The following SCN2A variants were observed in gnomAD, a reference collection of about 807,000 sequenced individuals.
SCN2A encodes the protein sodium voltage-gated channel alpha subunit 2, also known as sodium channel protein type 2 subunit alpha.
In SCN2A, 20 loss-of-function variants were observed where a neutral mutation model predicts 188.7. That is an observed-to-expected ratio of 0.11 (90% CI 0.07 to 0.15). The LOEUF (loss-of-function observed/expected upper bound fraction) is 0.15, where lower values mean the gene tolerates loss of function less well. Ranked by LOEUF, SCN2A falls within the 10% of genes least tolerant of loss-of-function variation. The probability of loss-of-function intolerance (pLI) is 1.00; values close to 1 mark genes in which losing one functional copy is unlikely to be tolerated. For missense variants in SCN2A, 1,278 were observed against 2,445.0 expected (o/e 0.52, Z 10.07); for synonymous variants, 804 against 833.1 (o/e 0.97, Z 0.60).
At chr2:165,355,823 C>A (rs1410731842) in intron 17 of SCN2A, among the ~76,000 whole-genome samples, 1 of 151,746 alleles carries the variant, frequency 6.6e-6, no homozygotes, top group Non-Finnish European at 1.5e-5. Context: ...ATGGTGAAAC[C>A]CTGTCTCTAC....
At chr2:165,301,199 A>G (rs1455507952) in intron 3 of SCN2A, among the ~76,000 whole-genome samples, 1 of 152,084 alleles carries the variant, frequency 6.6e-6, no homozygotes, top group African/African-American at 2.4e-5. Flanking sequence ...TTGGTTTTGA[A>G]CATGTTATGT....
chr2:165,318,754 G>A (rs911147471), intron 11 of SCN2A, among the ~76,000 whole-genome samples: 1 of 152,138 alleles, frequency 6.6e-6, no homozygotes, highest in Non-Finnish European at 1.5e-5. Flanking sequence ...TCATTGCAAA[G>A]CATGTATTGT....
At chr2:165,248,521 C>T (rs1428396971) in intron 1 of SCN2A, among the ~76,000 whole-genome samples, 1 of 152,088 alleles carries the variant, frequency 6.6e-6, no homozygotes, top group Non-Finnish European at 1.5e-5. Flanking sequence ...TCTTAACTAT[C>T]CCATTTAAAA....
chr2:165,249,821 C>T (rs917590492), intron 1 of SCN2A, among the ~76,000 whole-genome samples: 1 of 151,914 alleles, frequency 6.6e-6, no homozygotes, highest in African/African-American at 2.4e-5. Flanking sequence ...TATAAATATG[C>T]TAACTAGCTA....
intron 1 of SCN2A, among the ~76,000 whole-genome samples, chr2:165,251,552 G>A (rs1488647859): frequency 1.3e-5 from 2 of 150,904 alleles, no homozygotes; most frequent in Non-Finnish European, 2.9e-5. Flanking sequence ...TGAGGTAAGG[G>A]CATTTATTCC....
chr2:165,245,221 C>T (rs965756017), intron 1 of SCN2A: 3 of 152,128 alleles, frequency 2.0e-5, no homozygotes, highest in African/African-American at 7.2e-5. Flanking sequence ...ATAATCTCCA[C>T]GTGTTGTGGG....
intron 13 of SCN2A, chr2:165,328,427 G>C (rs1309853366): frequency 1.0e-6 from 1 of 954,672 alleles, no homozygotes; most frequent in East Asian, 1.2e-4. Flanking sequence ...AGATTGTCTG[G>C]CCTTCCGCTC....
At chr2:165,243,446 T>TAC (rs1261578092) in intron 1 of SCN2A, among the ~76,000 whole-genome samples, 1 of 151,680 alleles carries the variant, frequency 6.6e-6, no homozygotes, top group African/African-American at 2.4e-5. Context: ...CTACTAAAAA[T>TAC]AAAAAATTAG....
chr2:165,311,161 G>C (rs1414528075), intron 7 of SCN2A, among the ~76,000 whole-genome samples: 1 of 102,148 alleles, frequency 9.8e-6, no homozygotes, highest in Non-Finnish European at 2.3e-5. Context: ...GTAGTTACCA[G>C]TTTAGTTTGA....
At chr2:165,321,060 A>G (rs1426575724) in intron 11 of SCN2A, among the ~76,000 whole-genome samples, 1 of 152,178 alleles carries the variant, frequency 6.6e-6, no homozygotes, top group African/African-American at 2.4e-5. Context: ...AGCAGTACCT[A>G]AGTCACCACT....
In SCN2A at chr2:165,313,925, G is replaced by C. The variant is rs532681917; in HGVS notation, c.1200G>C (p.Thr400=). Residue 400 remains threonine (T), a synonymous_variant, in exon 10 of 27, where the codon ACG becomes ACC. Coordinates refer to ENST00000375437, the MANE Select transcript of SCN2A (RefSeq NM_001040142.2). ...YQLTLRAAGK[T]YMIFFVLVIF... ...AGACACTACGTGCTGCTGGGAAAAC[G>C]TACATGATATTTTTTGTGCTGGTCA... The C allele has an allele frequency of 6.2e-7, 1 of 1,613,744 alleles. No individual in the cohort carries two copies. Among genetic ancestry groups the C allele is most frequent in the Non-Finnish European group, 8.5e-7 (1 of 1,179,766 alleles).
intron 19 of SCN2A, 69 bp downstream of exon 19, chr2:165,367,440 A>C: frequency 1.1e-5 from 16 of 1,497,484 alleles, no homozygotes; most frequent in Non-Finnish European, 1.5e-5. Flanking sequence ...CAATCAACTC[A>C]TATTACCCAC....
At chr2:165,320,673 C>T (rs1698028111) in intron 11 of SCN2A, among the ~76,000 whole-genome samples, 1 of 152,236 alleles carries the variant, frequency 6.6e-6, no homozygotes, top group South Asian at 2.1e-4. Context: ...AGGCTTGAGG[C>T]TTGCACCCTC....
At chr2:165,322,962 T>A (rs1296838578) in intron 11 of SCN2A, among the ~76,000 whole-genome samples, 194 bp from the exon 12 acceptor site, 2 of 151,948 alleles carry the variant, frequency 1.3e-5, no homozygotes, top group African/African-American at 4.8e-5. Context: ...GAGAGTGAAA[T>A]AGAAAAGGTG....
intron 1 of SCN2A, among the ~76,000 whole-genome samples, chr2:165,260,847 G>C (rs1337959789): frequency 6.6e-6 from 1 of 151,660 alleles, no homozygotes; most frequent in East Asian, 2.0e-4. Context: ...GCAGGCACTT[G>C]TAATCCCAGC....
At chr2:165,385,549 T>G (rs1258454603) in intron 25 of SCN2A, among the ~76,000 whole-genome samples, 2 of 152,208 alleles carry the variant, frequency 1.3e-5, no homozygotes, top group African/African-American at 2.4e-5. Flanking sequence ...TCATAATGAA[T>G]ACTCTAATGA....
chr2:165,246,761 C>A (rs976322196), intron 1 of SCN2A, among the ~76,000 whole-genome samples: 7 of 152,024 alleles, frequency 4.6e-5, no homozygotes, highest in Admixed American at 4.6e-4. Flanking sequence ...TGCAGCTGGA[C>A]GCATGCAAAA....
rs1696365692 is a variant in SCN2A at position 165,294,066 on chromosome 2, A to G, written c.-51-1707A>G. 3.5e-6 allele frequency: 3 copies of G among 853,298 alleles called. No individual in the cohort carries two copies. In the African/African-American group the frequency reaches 5.6e-5, roughly 16 times the overall value. The allele number at this position is 853,298 out of a possible 1,614,324, so 52.9% of individuals were successfully genotyped here. A position where few individuals can be genotyped will look rare whatever the true frequency, so the allele number is the denominator to read the frequency against. ...TTTTTTTTTTTTTAAAGCATGATGG[A>G]ATTTTAGCTGCAGTCTTCTTGGTGC... On this transcript the variant is annotated intron_variant, in intron 1 of 26. Coordinates refer to ENST00000375437, the MANE Select transcript of SCN2A (RefSeq NM_001040142.2).
chr2:165,387,547 T>C (rs899082919), intron 26 of SCN2A, among the ~76,000 whole-genome samples: 1 of 152,274 alleles, frequency 6.6e-6, no homozygotes, highest in Non-Finnish European at 1.5e-5. Context: ...AAGCAGATAG[T>C]TTGTTTGAAA....
Sources: gnomAD v4.1 joint callset for allele counts (sites outside exome capture counted in the v4.1 genomes callset) on GRCh38, gnomAD v4.1.1 for gene constraint, MANE v1.5 for transcripts, NCBI Gene and HGNC (gene_info 2026-07-23, HGNC 2026-07-21) for gene names.